LINGO1: variants seen among roughly 807,000 people sequenced by gnomAD.
LINGO1 encodes leucine-rich repeat and immunoglobulin-like domain-containing nogo receptor-interacting protein 1.
LINGO1 carries 11 observed loss-of-function variants against 37.3 expected under a neutral mutation model. The observed-to-expected ratio is 0.29, with a 90% CI of 0.19 to 0.49. The LOEUF is 0.49. Among genes scored for constraint, LINGO1 ranks in the 20% least tolerant of loss-of-function variants. LINGO1 has a pLI of 0.99. For synonymous variants in LINGO1, 387 were observed against 403.0 expected, an observed-to-expected ratio of 0.96 and a Z score of 0.48; for missense variants, 585 against 878.2, an observed-to-expected ratio of 0.67 and a Z score of 4.22.
At chr15:77,682,575 A>G (rs1345785672) in intron 2 of LINGO1, among the ~76,000 whole-genome samples, 1 of 151,836 alleles carries the variant, frequency 6.6e-6, no homozygotes, top group Non-Finnish European at 1.5e-5. Context: ...ACACCCAAGC[A>G]TCACTCCAGA....
upstream of LINGO1, among the ~76,000 whole-genome samples, chr15:77,638,252 T>C (rs2074433061): frequency 6.6e-6 from 1 of 151,938 alleles, no homozygotes; most frequent in Admixed American, 6.5e-5. Flanking sequence ...CTGGGGCCAG[T>C]CCGTAAAGGG....
chr15:77,682,855 C>T (rs1246378972), intron 2 of LINGO1, among the ~76,000 whole-genome samples: 2 of 152,066 alleles, frequency 1.3e-5, no homozygotes, highest in Non-Finnish European at 2.9e-5. Flanking sequence ...CGCGAAACTC[C>T]GAAGCCCTGA....
At chr15:77,746,880 C>G (rs1037397566) in intron 1 of LINGO1, among the ~76,000 whole-genome samples, 2 of 152,138 alleles carry the variant, frequency 1.3e-5, no homozygotes, top group African/African-American at 4.8e-5. Flanking sequence ...AGAGACCACC[C>G]CCCACTCCCA....
At position 77,664,168 on chromosome 15, in the gene LINGO1, TGTGCGCGC is replaced by T. The variant is rs1214507197; in HGVS notation, c.-13+12913_-13+12920del. Among the ~76,000 whole-genome samples, 4 of 120,262 alleles carry T rather than the reference TGTGCGCGC, an allele frequency of 3.3e-5. 1 individual carries two copies. Among genetic ancestry groups the T allele is most frequent in the African/African-American group, 1.8e-4 (4 of 22,776 alleles). The allele number at this position is 120,262 out of a possible 152,430, so 78.9% of individuals were successfully genotyped here. On this transcript the variant is annotated intron_variant, in intron 3 of 3. Transcript: ENST00000559893. ...GTGTGTGTGTGTGTGTGTGTGTGTG[TGTGCGCGC>T]GCGCATGCGTTTGCATTCTCAGCCC...
At chr15:77,701,968 G>C (rs1390773713) in intron 2 of LINGO1, among the ~76,000 whole-genome samples, 1 of 152,234 alleles carries the variant, frequency 6.6e-6, no homozygotes, top group Non-Finnish European at 1.5e-5. Flanking sequence ...TAAGAGAGAT[G>C]AAGGCCCAGC....
intron 1 of LINGO1, among the ~76,000 whole-genome samples, chr15:77,616,541 C>T (rs1023971998): frequency 3.9e-5 from 6 of 152,216 alleles, no homozygotes; most frequent in African/African-American, 7.2e-5. Flanking sequence ...ACACTGTTCA[C>T]GGGTCTGTCA....
intron 3 of LINGO1, among the ~76,000 whole-genome samples, chr15:77,676,704 G>A (rs2075333489): frequency 6.6e-6 from 1 of 152,232 alleles, no homozygotes. Context: ...ACCAACCTGG[G>A]AGCAAAACCT....
intron 1 of LINGO1, among the ~76,000 whole-genome samples, chr15:77,780,962 G>T (rs1024364850): frequency 6.6e-6 from 1 of 152,212 alleles, no homozygotes; most frequent in Non-Finnish European, 1.5e-5. Context: ...GACTAAGATA[G>T]ATGAAGAAGT....
chr15:77,688,690 C>T (rs755511600), intron 2 of LINGO1, among the ~76,000 whole-genome samples: 6 of 152,214 alleles, frequency 3.9e-5, no homozygotes, highest in Non-Finnish European at 5.9e-5. Flanking sequence ...TATACCCCAC[C>T]TCCCTCCAAA....
intron 1 of LINGO1, among the ~76,000 whole-genome samples, chr15:77,775,850 C>T (rs866484436): frequency 6.6e-6 from 1 of 152,180 alleles, no homozygotes; most frequent in African/African-American, 2.4e-5. Flanking sequence ...TCCCCAAACC[C>T]CACACAGCAG....
upstream of LINGO1, among the ~76,000 whole-genome samples, chr15:77,699,682 G>GCCCA (rs2075750908): frequency 9.8e-5 from 1 of 10,186 alleles, no homozygotes; most frequent in Admixed American, 1.2e-3. Context: ...ACCATCATCT[G>GCCCA]CACACAGTAA....
chr15:77,805,803 G>A lies in LINGO1; in HGVS notation c.-457-9750C>T, dbSNP rs1488636815. ...AAAAATGGGAACAAGTGTGAGCTGG[G>A]CATTGATCAAGGAAGGTTTCTTGAA... On this transcript the variant is annotated intron_variant, in intron 1 of 5. Coordinates refer to the LINGO1 transcript ENST00000562933. Among the ~76,000 whole-genome samples the A allele has an allele frequency of 4.6e-5, 7 of 152,078 alleles. No homozygotes were observed. The East Asian group carries it at 1.3e-3, about 29-fold the overall frequency.
chr15:77,719,906 A>G (rs1469500959), intron 2 of LINGO1, among the ~76,000 whole-genome samples: 2 of 147,410 alleles, frequency 1.4e-5, no homozygotes, highest in Non-Finnish European at 3.0e-5. Flanking sequence ...ACACACAACT[A>G]TGAGACAGAT....
rs1297829471 is a variant in LINGO1 at position 77,614,698 on chromosome 15, C to T, written c.1209G>A (p.Gln403=). ...QPTCATPEFV[Q]GKEFKDFPDV... ...CAGGGAAGTCCTTGAACTCCTTGCCCTGGACAAACTCGGGCGTGGCGCACG... is the reference window on the plus strand; with the variant it reads ...CAGGGAAGTCCTTGAACTCCTTGCCTTGGACAAACTCGGGCGTGGCGCACG... The change falls in exon 2 of 2, where the codon CAG becomes CAA. Residue 403 remains glutamine, a synonymous_variant. Transcript: ENST00000355300. The T allele has an allele frequency of 6.2e-7, 1 of 1,610,800 alleles. No individual in the cohort carries two copies. Among genetic ancestry groups the T allele is most frequent in the Non-Finnish European group, 8.5e-7 (1 of 1,178,584 alleles).
At chr15:77,652,669 T>C (rs2074788036) in intron 3 of LINGO1, among the ~76,000 whole-genome samples, 2 of 152,232 alleles carry the variant, frequency 1.3e-5, no homozygotes, top group South Asian at 4.1e-4. Flanking sequence ...CTCCCATCTC[T>C]GCCCAGCTAA....
At chr15:77,736,878 G>A (rs1406493501) in intron 1 of LINGO1, among the ~76,000 whole-genome samples, 1 of 152,220 alleles carries the variant, frequency 6.6e-6, no homozygotes, top group African/African-American at 2.4e-5. Flanking sequence ...TACAGCCAGG[G>A]CATAGTGGAG....
At chr15:77,773,781 C>G (rs2076609402) in intron 1 of LINGO1, among the ~76,000 whole-genome samples, 1 of 152,122 alleles carries the variant, frequency 6.6e-6, no homozygotes, top group Non-Finnish European at 1.5e-5. Flanking sequence ...CAGGGCAAAG[C>G]TTCTCTTCCA....
intron 1 of LINGO1, among the ~76,000 whole-genome samples, chr15:77,694,948 A>G (rs1323361214): frequency 1.3e-5 from 2 of 152,016 alleles, no homozygotes; most frequent in Non-Finnish European, 2.9e-5. Context: ...CCAGGTGGGG[A>G]AGCTGCCACC....
At chr15:77,806,778 G>A (rs1390717119) in intron 1 of LINGO1, among the ~76,000 whole-genome samples, 8 of 152,082 alleles carry the variant, frequency 5.3e-5, no homozygotes, top group Non-Finnish European at 1.0e-4. Flanking sequence ...GCCAGGATCT[G>A]GGTCTCCAGG....
Sources: gnomAD v4.1 joint callset for allele counts (sites outside exome capture counted in the v4.1 genomes callset) on GRCh38, gnomAD v4.1.1 for gene constraint, MANE v1.5 for transcripts, NCBI Gene and HGNC (gene_info 2026-07-23, HGNC 2026-07-21) for gene names.